ZDHHC13: variants seen among roughly 807,000 people sequenced by gnomAD.
ZDHHC13 encodes the protein palmitoyltransferase ZDHHC13.
In ZDHHC13, 85 loss-of-function variants were observed where a neutral mutation model predicts 86.0. The observed-to-expected ratio is 0.99, with a 90% CI of 0.83 to 1.18. The LOEUF (loss-of-function observed/expected upper bound fraction) is 1.18, where lower values mean the gene tolerates loss of function less well. Among genes scored for constraint, ZDHHC13 ranks in the 50% most tolerant of loss-of-function variants. The pLI is 0.00. For missense variants in ZDHHC13, 711 were observed against 730.2 expected, an observed-to-expected ratio of 0.97 and a Z score of 0.30; for synonymous variants, 263 against 246.4, an observed-to-expected ratio of 1.07 and a Z score of -0.63.
chr11:19,158,221 T>C (rs1218260621), intron 9 of ZDHHC13, among the ~76,000 whole-genome samples: 2 of 152,186 alleles, frequency 1.3e-5, no homozygotes, highest in African/African-American at 4.8e-5. Context: ...TCATTGTTTT[T>C]TCCTGGAATA....
chr11:19,130,256 TTTA>T lies in ZDHHC13; in HGVS notation c.28-12718_28-12716del, dbSNP rs201320688. 9.8e-4 allele frequency among the ~76,000 whole-genome samples: 150 copies of T among 152,302 alleles called. No individual in the cohort carries two copies. In the East Asian group the frequency reaches 0.027, roughly 28 times the overall value. ...AATTTATTTAATAGATATTATGTTA[TTTA>T]TTACTTTTAAGATCCATTTTGATAA... On this transcript the variant is annotated intron_variant, in intron 1 of 16. Coordinates refer to ENST00000446113, the MANE Select transcript of ZDHHC13 (RefSeq NM_019028.3).
intron 15 of ZDHHC13, among the ~76,000 whole-genome samples, 177 bp downstream of exon 15, chr11:19,170,745 A>G (rs934005350): frequency 3.9e-5 from 6 of 152,222 alleles, no homozygotes; most frequent in Admixed American, 2.6e-4. Flanking sequence ...CTGTAAAATG[A>G]GGATAATAAC....
At chr11:19,161,473 T>C (rs901551598) in intron 10 of ZDHHC13, among the ~76,000 whole-genome samples, 6 of 151,956 alleles carry the variant, frequency 3.9e-5, no homozygotes, top group African/African-American at 1.5e-4. Flanking sequence ...ATAAAATTGA[T>C]GTGGAAGGCT....
chr11:19,146,043 A>G, intron 2 of ZDHHC13, 138 bp from the exon 3 acceptor site: 1 of 891,018 alleles, frequency 1.1e-6, no homozygotes, highest in East Asian at 2.7e-5. Flanking sequence ...CTCTCTATGC[A>G]TGTCTTTGTT....
In ZDHHC13 at chr11:19,150,802, T is replaced by G; in HGVS notation, c.584+11T>G. ...TCACAAAGTAATTGGGTGAGTTTAA[T>G]TTAGTCCACTCAATCTCATTCTTGG... On this transcript the variant is annotated intron_variant, in intron 6 of 16. Coordinates refer to ENST00000446113, the MANE Select transcript of ZDHHC13 (RefSeq NM_019028.3). 1 of 1,606,340 alleles carries G rather than the reference T, an allele frequency of 6.2e-7. No individual in the cohort carries two copies. The highest frequency in any genetic ancestry group is 8.5e-7 in the Non-Finnish European group (1 of 1,174,350).
In ZDHHC13 at chr11:19,170,486, C is replaced by G. The variant is rs368273945; in HGVS notation, c.1550C>G (p.Ser517Cys). The change falls in exon 15 of 17, where the codon TCC becomes TGC. Residue 517 changes from serine to cysteine, a missense_variant. Coordinates refer to ENST00000446113, the MANE Select transcript of ZDHHC13 (RefSeq NM_019028.3). ...TACCTCAATCAGATTGTGGCCTGTT[C>G]CCCTTGGGTTTTATATATCTTGATG... ...WTYLNQIVAC[S>C]PWVLYILMLA... The G allele has an allele frequency of 4.6e-6, 7 of 1,521,522 alleles. No individual in the cohort carries two copies. Among genetic ancestry groups the G allele is most frequent in the Non-Finnish European group, 6.2e-6 (7 of 1,137,864 alleles). The allele number at this position is 1,521,522 out of a possible 1,614,324, so 94.3% of individuals were successfully genotyped here.
intron 10 of ZDHHC13, among the ~76,000 whole-genome samples, 169 bp downstream of exon 10, chr11:19,159,209 A>G (rs1849841245): frequency 6.6e-6 from 1 of 152,154 alleles, no homozygotes; most frequent in Admixed American, 6.6e-5. Context: ...ACTTGATTCT[A>G]AAAGTAGTCT....
intron 1 of ZDHHC13, among the ~76,000 whole-genome samples, chr11:19,134,802 C>A (rs191299742): frequency 3.9e-4 from 60 of 152,168 alleles, no homozygotes; most frequent in African/African-American, 1.2e-3. Context: ...CACATGTATA[C>A]CTATGTAACA....
At chr11:19,166,678 T>A in intron 14 of ZDHHC13, 1 of 203,012 alleles carries the variant, frequency 4.9e-6, no homozygotes, top group South Asian at 1.2e-4. Flanking sequence ...GAAAGTCAGC[T>A]GCTGAAGTAC....
In ZDHHC13 at chr11:19,152,536, T is replaced by A; in HGVS notation, c.748-23T>A. 3 of 1,567,526 alleles carry A rather than the reference T, an allele frequency of 1.9e-6. No homozygotes were observed. In the South Asian group the frequency reaches 3.6e-5, roughly 19 times the overall value. On this transcript the variant is annotated intron_variant, in intron 7 of 16. Coordinates refer to ENST00000446113, the MANE Select transcript of ZDHHC13 (RefSeq NM_019028.3). ...TAATATATTAAAAATACTTTTAAACTTTTTACCCTACTCTTTTTTAAGGGA... is the reference window on the plus strand; with the variant it reads ...TAATATATTAAAAATACTTTTAAACATTTTACCCTACTCTTTTTTAAGGGA...
intron 1 of ZDHHC13, among the ~76,000 whole-genome samples, chr11:19,130,592 A>G (rs1374835620): frequency 6.6e-6 from 1 of 152,122 alleles, no homozygotes; most frequent in Non-Finnish European, 1.5e-5. Flanking sequence ...TCTTGTATCC[A>G]CTTCGAGTTT....
At chr11:19,152,366 A>G (rs1221915788) in intron 7 of ZDHHC13, 46 bp downstream of exon 7, 1 of 1,584,976 alleles carries the variant, frequency 6.3e-7, no homozygotes, top group Non-Finnish European at 8.6e-7. Flanking sequence ...ATCTTGAGTT[A>G]GAAGATTGAT....
At chr11:19,169,057 A>G in intron 14 of ZDHHC13, 5 of 985,492 alleles carry the variant, frequency 5.1e-6, no homozygotes, top group Non-Finnish European at 6.0e-6. Flanking sequence ...AATGTACGTG[A>G]CAACTTGCTG....
intron 2 of ZDHHC13, among the ~76,000 whole-genome samples, chr11:19,145,449 CTT>C (rs1849435142): frequency 6.6e-6 from 1 of 152,182 alleles, no homozygotes; most frequent in Non-Finnish European, 1.5e-5. Context: ...CTTTAAAACC[CTT>C]TATTGGTTTC....
intron 1 of ZDHHC13, among the ~76,000 whole-genome samples, chr11:19,138,457 G>T (rs1300884128): frequency 9.3e-5 from 14 of 150,716 alleles, no homozygotes; most frequent in African/African-American, 3.4e-4. Context: ...GGACCAGATG[G>T]ATTCACAGCC....
At chr11:19,140,783 G>A (rs1347475036) in intron 1 of ZDHHC13, among the ~76,000 whole-genome samples, 1 of 151,896 alleles carries the variant, frequency 6.6e-6, no homozygotes, top group African/African-American at 2.4e-5. Context: ...GGATGAAATC[G>A]GAAATCATCA....
chr11:19,126,827 A>T (rs546985812), intron 1 of ZDHHC13, among the ~76,000 whole-genome samples: 1 of 152,088 alleles, frequency 6.6e-6, no homozygotes, highest in Non-Finnish European at 1.5e-5. Flanking sequence ...TCCATGGTTT[A>T]TATGTACTAC....
In ZDHHC13 at chr11:19,133,926, T is replaced by TAC. The variant is rs1195381749; in HGVS notation, c.28-9051_28-9050insCA. Among the ~76,000 whole-genome samples, 7 of 91,312 alleles carry TAC rather than the reference T, an allele frequency of 7.7e-5. No homozygotes were observed. In the South Asian group the frequency reaches 2.6e-3, roughly 33 times the overall value. 59.9% of individuals were successfully genotyped at this position (91,312 alleles called of 152,430 possible). A position where few individuals can be genotyped will look rare whatever the true frequency, so the allele number is the denominator to read the frequency against. ...ACTCTTTACGAAAGAAGTCCATATA[T>TAC]ATATATATATATATATACACGTATG... On this transcript the variant is annotated intron_variant, in intron 1 of 16. Transcript: ENST00000446113.
In ZDHHC13 at chr11:19,155,786, C is replaced by A; in HGVS notation, c.874-10C>A. The A allele has an allele frequency of 6.2e-7, 1 of 1,606,504 alleles. No homozygotes were observed. The highest frequency in any genetic ancestry group is 8.5e-7 in the Non-Finnish European group (1 of 1,178,328). On this transcript the variant is annotated splice_polypyrimidine_tract_variant and intron_variant, in intron 8 of 16. Coordinates refer to ENST00000446113, the MANE Select transcript of ZDHHC13 (RefSeq NM_019028.3). ...TCCATAAAGTTCTAAAATTCTGAAT[C>A]TCTTAATAGCTCTTCCTGCTGCTGA...
Sources: gnomAD v4.1 joint callset for allele counts (sites outside exome capture counted in the v4.1 genomes callset) on GRCh38, gnomAD v4.1.1 for gene constraint, MANE v1.5 for transcripts, NCBI Gene and HGNC (gene_info 2026-07-23, HGNC 2026-07-21) for gene names.